The following PDGFD variants were observed in gnomAD, a reference collection of about 807,000 sequenced individuals.
PDGFD encodes the protein platelet-derived growth factor D.
In PDGFD, 30 loss-of-function variants were observed where a neutral mutation model predicts 44.7. The observed-to-expected ratio is 0.67, with a 90% CI of 0.50 to 0.91. PDGFD has a LOEUF of 0.91. Among genes scored for constraint, PDGFD ranks in the 40% least tolerant of loss-of-function variants. The pLI is 0.00. For synonymous variants in PDGFD, 173 were observed against 168.4 expected, an observed-to-expected ratio of 1.03 and a Z score of -0.21; for missense variants, 445 against 457.8, an observed-to-expected ratio of 0.97 and a Z score of 0.25.
At chr11:103,983,313 A>G (rs1300658542) in intron 3 of PDGFD, among the ~76,000 whole-genome samples, 1 of 151,830 alleles carries the variant, frequency 6.6e-6, no homozygotes, top group Non-Finnish European at 1.5e-5. Context: ...AAAATAGGCA[A>G]TGGGGAAAGG....
chr11:103,909,833 C>T lies in PDGFD; in HGVS notation c.988-14G>A. ...AAACTGTAATACCTAGGACAAGAAG[C>T]ACATCTCCTGTTAGAAAGCCTTTGG... On this transcript the variant is annotated splice_polypyrimidine_tract_variant and intron_variant, in intron 6 of 6. Coordinates refer to ENST00000393158, the MANE Select transcript of PDGFD (RefSeq NM_025208.5). 16 of 1,614,038 alleles carry T rather than the reference C, an allele frequency of 9.9e-6. No individual in the cohort carries two copies. Among genetic ancestry groups the T allele is most frequent in the Non-Finnish European group, 1.4e-5 (16 of 1,179,932 alleles).
chr11:103,930,503 A>G (rs1858384234), intron 5 of PDGFD, among the ~76,000 whole-genome samples: 1 of 151,714 alleles, frequency 6.6e-6, no homozygotes, highest in Admixed American at 6.6e-5. Context: ...ACATACAATC[A>G]TTACTCTTAC....
intron 6 of PDGFD, among the ~76,000 whole-genome samples, chr11:103,921,721 C>G (rs1858225050): frequency 6.6e-6 from 1 of 151,128 alleles, no homozygotes; most frequent in Non-Finnish European, 1.5e-5. Flanking sequence ...AAAATTCTAC[C>G]TTAGAACAAG....
chr11:104,148,441 A>G (rs200830725), intron 1 of PDGFD, among the ~76,000 whole-genome samples: 2 of 152,226 alleles, frequency 1.3e-5, no homozygotes, highest in Admixed American at 1.3e-4. Flanking sequence ...AAATGTGACT[A>G]CTCTGAAATA....
At chr11:103,934,742 T>C (rs2134316267) in intron 5 of PDGFD, among the ~76,000 whole-genome samples, 1 of 152,290 alleles carries the variant, frequency 6.6e-6, no homozygotes. Context: ...AAGAATAGCA[T>C]GGGGAAAACC....
chr11:104,146,127 C>A (rs1174425835), intron 1 of PDGFD, among the ~76,000 whole-genome samples: 1 of 152,176 alleles, frequency 6.6e-6, no homozygotes, highest in South Asian at 2.1e-4. Context: ...TGAGCACTCA[C>A]CATTAAAGTT....
intron 6 of PDGFD, among the ~76,000 whole-genome samples, chr11:103,913,009 C>A (rs1202701657): frequency 6.6e-6 from 1 of 152,108 alleles, no homozygotes; most frequent in African/African-American, 2.4e-5. Context: ...TACAAAGAGA[C>A]TTTGACTCCC....
chr11:103,934,827 A>G (rs942285436), intron 5 of PDGFD, among the ~76,000 whole-genome samples: 4 of 152,128 alleles, frequency 2.6e-5, no homozygotes, highest in Admixed American at 1.3e-4. Flanking sequence ...GGGGATTGCA[A>G]TTCAAGATGA....
chr11:104,119,162 AAC>A lies in PDGFD; in HGVS notation c.124+44640_124+44641del, dbSNP rs1236180320. Among the ~76,000 whole-genome samples, 75 of 10,082 alleles carry A rather than the reference AAC, an allele frequency of 7.4e-3. 23 individuals carry two copies. Among genetic ancestry groups the A allele is most frequent in the South Asian group, 0.021 (2 of 94 alleles). The allele number at this position is 10,082 out of a possible 152,430, so 6.6% of individuals were successfully genotyped here. On this transcript the variant is annotated intron_variant, in intron 1 of 6. Transcript: ENST00000393158. ...ATATATTAATATAATATATTGATATAACATATAATATATTAATATAATATATT... is the reference window on the plus strand; with the variant it reads ...ATATATTAATATAATATATTGATATAATATAATATATTAATATAATATATT...
At chr11:103,938,173 G>A (rs928391791) in intron 5 of PDGFD, among the ~76,000 whole-genome samples, 2 of 152,042 alleles carry the variant, frequency 1.3e-5, no homozygotes, top group African/African-American at 2.4e-5. Context: ...CCCACCAACA[G>A]TGTAAAAGTG....
chr11:104,086,367 G>A (rs1457813943), intron 1 of PDGFD, among the ~76,000 whole-genome samples: 2 of 152,158 alleles, frequency 1.3e-5, no homozygotes, highest in African/African-American at 2.4e-5. Context: ...GAAAGTGTGT[G>A]CATTTAATGG....
intron 3 of PDGFD, among the ~76,000 whole-genome samples, chr11:103,980,303 A>C (rs1052508826): frequency 6.6e-6 from 1 of 152,090 alleles, no homozygotes; most frequent in Non-Finnish European, 1.5e-5. Context: ...GGAATACATT[A>C]TGTTTTGCAG....
At chr11:103,984,119 T>C (rs980346204) in intron 3 of PDGFD, among the ~76,000 whole-genome samples, 8 of 151,728 alleles carry the variant, frequency 5.3e-5, no homozygotes, top group Admixed American at 2.6e-4. Context: ...CATATGTTCA[T>C]TGCAGCACTA....
intron 3 of PDGFD, among the ~76,000 whole-genome samples, chr11:103,992,206 G>T (rs11226106): frequency 0.13 from 19,681 of 152,154 alleles, 1,395 homozygotes; most frequent in Middle Eastern, 0.17. Context: ...AAAATGAAAT[G>T]AGGCAAATTT....
At chr11:103,959,973 A>C (rs1463456132) in intron 3 of PDGFD, among the ~76,000 whole-genome samples, 1 of 152,186 alleles carries the variant, frequency 6.6e-6, no homozygotes, top group African/African-American at 2.4e-5. Flanking sequence ...GGTTATCATC[A>C]GTTAACAGGA....
intron 6 of PDGFD, among the ~76,000 whole-genome samples, chr11:103,910,929 G>C (rs180700031): frequency 7.9e-5 from 12 of 152,296 alleles, no homozygotes; most frequent in African/African-American, 2.6e-4. Flanking sequence ...TTGAGTAGGC[G>C]AGGCGGTTTT....
intron 3 of PDGFD, among the ~76,000 whole-genome samples, 181 bp downstream of exon 3, chr11:103,995,884 T>G (rs1331475202): frequency 6.6e-6 from 1 of 152,136 alleles, no homozygotes; most frequent in Non-Finnish European, 1.5e-5. Context: ...ACTTAATAGA[T>G]CCAAAATGGT....
intron 6 of PDGFD, among the ~76,000 whole-genome samples, chr11:103,925,694 T>TACAC (rs367761343): frequency 1.2e-5 from 1 of 83,926 alleles, no homozygotes; most frequent in Admixed American, 1.7e-4. Flanking sequence ...TATATATATA[T>TACAC]ATATACACAG....
chr11:103,909,808 A>C lies in PDGFD; in HGVS notation c.999T>G (p.Phe333Leu). 1 of 1,614,174 alleles carries C rather than the reference A, an allele frequency of 6.2e-7. No individual in the cohort carries two copies. Among genetic ancestry groups the C allele is most frequent in the Non-Finnish European group, 8.5e-7 (1 of 1,180,004 alleles). ...TVKKYHEVLQFEPGHIKRRGR... is the reference protein window; with the variant it reads ...TVKKYHEVLQLEPGHIKRRGR... ...CCCTCCTCTTGATGTGGCCAGGCTC[A>C]AACTGTAATACCTAGGACAAGAAGC... is the stretch of plus-strand genomic sequence containing the variant. The change falls in exon 7 of 7, where the codon TTT becomes TTG. Residue 333 changes from phenylalanine to leucine, a missense_variant. Physicochemically the swap from Phe to Leu is conservative, Grantham distance 22. Coordinates refer to ENST00000393158, the MANE Select transcript of PDGFD (RefSeq NM_025208.5).
Sources: gnomAD v4.1 joint callset for allele counts (sites outside exome capture counted in the v4.1 genomes callset) on GRCh38, gnomAD v4.1.1 for gene constraint, MANE v1.5 for transcripts, NCBI Gene and HGNC (gene_info 2026-07-23, HGNC 2026-07-21) for gene names.